Variants in WWOX observed in about 807,000 individuals in gnomAD.
WWOX encodes the protein WW domain-containing oxidoreductase.
WWOX carries 69 observed loss-of-function variants against 46.2 expected under a neutral mutation model. The ratio of observed to expected loss-of-function variants is 1.49; its 90% CI spans 1.23 to 1.82. WWOX has a LOEUF of 1.82. WWOX is among the 40% of genes most tolerant of loss of function. WWOX has a pLI of 0.00. For synonymous variants in WWOX, 359 were observed against 202.6 expected (o/e 1.77, Z -6.56); for missense variants, 919 against 542.6 (o/e 1.69, Z -6.89).
intron 6 of WWOX, among the ~76,000 whole-genome samples, chr16:78,393,781 A>T (rs1175506090): frequency 6.6e-6 from 1 of 152,254 alleles, no homozygotes; most frequent in East Asian, 1.9e-4. Context: ...TCACCGGTAT[A>T]ATTTAAAGAA....
At chr16:78,988,541 C>G (rs1273899813) in intron 8 of WWOX, among the ~76,000 whole-genome samples, 1 of 152,028 alleles carries the variant, frequency 6.6e-6, no homozygotes, top group Non-Finnish European at 1.5e-5. Context: ...AATACTCCCT[C>G]TCCCCAGGAG....
At chr16:78,857,646 A>G (rs997925638) in intron 8 of WWOX, among the ~76,000 whole-genome samples, 1 of 152,134 alleles carries the variant, frequency 6.6e-6, no homozygotes, top group Non-Finnish European at 1.5e-5. Flanking sequence ...TTGTCATTTC[A>G]TTTTCCTATA....
At chr16:78,719,087 C>T (rs769771201) in intron 8 of WWOX, among the ~76,000 whole-genome samples, 10 of 152,156 alleles carry the variant, frequency 6.6e-5, no homozygotes, top group South Asian at 6.2e-4. Context: ...AGACTATGAG[C>T]CCCTCATGAC....
rs773359855 is a variant in WWOX at position 78,676,476 on chromosome 16, C to T, written c.1056+243724C>T. On this transcript the variant is annotated intron_variant, in intron 8 of 8. Transcript: ENST00000566780. Reference sequence around the variant, plus strand: ...ATCACTTACCTAAAAAGCTCCCCACCCCCACCTTTGGTGACTGGTGGGTTT... The same window carrying T: ...ATCACTTACCTAAAAAGCTCCCCACTCCCACCTTTGGTGACTGGTGGGTTT... Among the ~76,000 whole-genome samples, 34 of 151,908 alleles carry T rather than the reference C, an allele frequency of 2.2e-4. 1 individual carries two copies. The highest frequency in any genetic ancestry group is 4.6e-4 in the Non-Finnish European group (31 of 68,018).
At chr16:78,734,074 C>T (rs1379694561) in intron 8 of WWOX, among the ~76,000 whole-genome samples, 2 of 151,250 alleles carry the variant, frequency 1.3e-5, no homozygotes, top group East Asian at 2.0e-4. Context: ...AAAAAAAACA[C>T]AAAAAACTAA....
intron 4 of WWOX, among the ~76,000 whole-genome samples, chr16:78,117,912 C>A (rs1163366352): frequency 3.3e-5 from 5 of 152,156 alleles, no homozygotes; most frequent in East Asian, 1.9e-4. Flanking sequence ...GCGGGGTGGG[C>A]TGAAACATAA....
chr16:78,950,884 C>T (rs2046046214), intron 8 of WWOX, among the ~76,000 whole-genome samples: 1 of 152,106 alleles, frequency 6.6e-6, no homozygotes, highest in African/African-American at 2.4e-5. Flanking sequence ...AGGTGTTTGG[C>T]AGAGGTGTGG....
chr16:78,835,460 T>C (rs746005946), intron 8 of WWOX, among the ~76,000 whole-genome samples: 3 of 152,206 alleles, frequency 2.0e-5, no homozygotes, highest in Non-Finnish European at 2.9e-5. Flanking sequence ...ATGAGCATGT[T>C]AGTAGAGCAG....
At chr16:78,206,534 G>C (rs922853202) in intron 5 of WWOX, among the ~76,000 whole-genome samples, 14 of 152,112 alleles carry the variant, frequency 9.2e-5, no homozygotes, top group Non-Finnish European at 1.5e-5. Flanking sequence ...ACCTGGAGTA[G>C]GAATGAGAAA....
intron 8 of WWOX, among the ~76,000 whole-genome samples, chr16:79,024,091 G>C (rs1368101856): frequency 6.6e-6 from 1 of 152,200 alleles, no homozygotes; most frequent in Non-Finnish European, 1.5e-5. Flanking sequence ...TGATTGCAGG[G>C]GGCTGGGAAA....
chr16:78,273,908 T>G lies in WWOX; in HGVS notation c.516+109619T>G, dbSNP rs2079530469. Among the ~76,000 whole-genome samples the G allele has an allele frequency of 2.0e-5, 3 of 152,204 alleles. No individual in the cohort carries two copies. In the South Asian group the frequency reaches 6.2e-4, roughly 31 times the overall value. ...GGGCACCCAAGTGGAAGTCATCCAT[T>G]GGCACCTGGATTTAGATCTGGCACT... On this transcript the variant is annotated intron_variant, in intron 5 of 8. Transcript: ENST00000566780.
At chr16:79,118,070 C>T (rs1365599502) in intron 8 of WWOX, among the ~76,000 whole-genome samples, 1 of 152,270 alleles carries the variant, frequency 6.6e-6, no homozygotes, top group Non-Finnish European at 1.5e-5. Context: ...ATCTGGCTTT[C>T]AGCCTATGTC....
At chr16:78,752,952 C>G (rs560719614) in intron 8 of WWOX, among the ~76,000 whole-genome samples, 2 of 152,292 alleles carry the variant, frequency 1.3e-5, no homozygotes, top group Admixed American at 6.5e-5. Context: ...GGGGATAATT[C>G]TAGGCCGTTT....
At chr16:78,501,625 C>G (rs1300470544) in intron 8 of WWOX, among the ~76,000 whole-genome samples, 1 of 151,840 alleles carries the variant, frequency 6.6e-6, no homozygotes. Context: ...CAACCTCTGT[C>G]TCCTGGCTTC....
intron 8 of WWOX, among the ~76,000 whole-genome samples, chr16:78,783,580 G>C (rs762007637): frequency 6.6e-6 from 1 of 152,238 alleles, no homozygotes; most frequent in Non-Finnish European, 1.5e-5. Flanking sequence ...GAAGCCCTAT[G>C]CCTTTGGGAA....
chr16:78,638,496 A>ACTCCTTT (rs2046629232), intron 8 of WWOX, among the ~76,000 whole-genome samples: 1 of 151,982 alleles, frequency 6.6e-6, no homozygotes. Context: ...TTGGGCTCTG[A>ACTCCTTT]TAAGATCTGT....
rs190024707 is a variant in WWOX, at chr16:78,774,983, G to A, written c.1056+342231G>A. 1.2e-3 allele frequency among the ~76,000 whole-genome samples: 178 copies of A among 152,274 alleles called. 1 individual carries two copies. Among genetic ancestry groups the A allele is most frequent in the South Asian group, 2.7e-3 (13 of 4,826 alleles). On this transcript the variant is annotated intron_variant, in intron 8 of 8. Transcript: ENST00000566780. ...TGTGGTGTATGCTCGAAGAGGGGCTGCAGGTAGAACTAGAAAGGTAGGTAA... is the reference window on the plus strand; with the variant it reads ...TGTGGTGTATGCTCGAAGAGGGGCTACAGGTAGAACTAGAAAGGTAGGTAA...
intron 8 of WWOX, among the ~76,000 whole-genome samples, chr16:79,051,974 A>C (rs1222728229): frequency 6.6e-6 from 1 of 151,784 alleles, no homozygotes; most frequent in South Asian, 2.1e-4. Flanking sequence ...TCAGCATTCC[A>C]CAAGTTACTT....
intron 5 of WWOX, among the ~76,000 whole-genome samples, chr16:78,351,031 G>GA: frequency 6.6e-6 from 1 of 152,176 alleles, no homozygotes; most frequent in Non-Finnish European, 1.5e-5. Flanking sequence ...TTTTGATTTG[G>GA]ATTTTCTTGA....
Sources: allele counts gnomAD v4.1 joint callset (sites outside exome capture counted in the v4.1 genomes callset), GRCh38; gene constraint gnomAD v4.1.1; transcripts MANE v1.5; gene names NCBI Gene and HGNC (gene_info 2026-07-23, HGNC 2026-07-21).